DNAI7: variants seen among roughly 807,000 people sequenced by gnomAD.
The protein encoded by DNAI7 is dynein axonemal intermediate chain 7.
Under a neutral mutation model 86.6 loss-of-function variants are expected in DNAI7, and 78 were observed. The observed-to-expected ratio is 0.90, with a 90% CI of 0.75 to 1.09. The LOEUF is 1.09. DNAI7 is among the 50% of genes least tolerant of loss of function. DNAI7 has a pLI of 0.00. For missense variants in DNAI7, 753 were observed against 810.2 expected, an observed-to-expected ratio of 0.93 and a Z score of 0.86; for synonymous variants, 274 against 273.0, an observed-to-expected ratio of 1.00 and a Z score of -0.04.
At chr12:25,164,853 T>C (rs1947266281) in intron 2 of DNAI7, among the ~76,000 whole-genome samples, 1 of 151,556 alleles carries the variant, frequency 6.6e-6, no homozygotes, top group Non-Finnish European at 1.5e-5. Flanking sequence ...CAGCCTCCAC[T>C]CCTCCACCCT....
chr12:25,143,358 C>G (rs758781300), intron 9 of DNAI7, among the ~76,000 whole-genome samples: 15 of 150,520 alleles, frequency 1.0e-4, no homozygotes, highest in Non-Finnish European at 1.8e-4. Flanking sequence ...AAGCAATTAT[C>G]TTGTCTCAGC....
intron 2 of DNAI7, among the ~76,000 whole-genome samples, chr12:25,161,975 G>GA (rs1005100247): frequency 2.6e-5 from 4 of 152,064 alleles, no homozygotes; most frequent in African/African-American, 9.7e-5. Context: ...TGGTATCGGA[G>GA]AAAAAAACAT....
chr12:25,186,459 T>C (rs1950044152), intron 2 of DNAI7, among the ~76,000 whole-genome samples: 1 of 152,216 alleles, frequency 6.6e-6, no homozygotes, highest in African/African-American at 2.4e-5. Context: ...TTTGGTACCA[T>C]AATTTGATAA....
At chr12:25,181,228 A>G (rs1949475637) in intron 2 of DNAI7, among the ~76,000 whole-genome samples, 1 of 152,132 alleles carries the variant, frequency 6.6e-6, no homozygotes, top group South Asian at 2.1e-4. Context: ...CTCCCACCTC[A>G]GCCTCAGGAG....
chr12:25,186,941 C>T (rs989798648), intron 2 of DNAI7, among the ~76,000 whole-genome samples: 4 of 152,150 alleles, frequency 2.6e-5, no homozygotes, highest in African/African-American at 9.7e-5. Context: ...GACTTCTAAC[C>T]TACACTGCTG....
chr12:25,178,854 C>A (rs1949234637), intron 2 of DNAI7, among the ~76,000 whole-genome samples: 1 of 151,954 alleles, frequency 6.6e-6, no homozygotes, highest in Non-Finnish European at 1.5e-5. Flanking sequence ...TCTGTGTTTT[C>A]TATTAATGTC....
intron 2 of DNAI7, among the ~76,000 whole-genome samples, chr12:25,171,980 A>G (rs1219832672): frequency 6.6e-6 from 1 of 152,190 alleles, no homozygotes. Context: ...AATAACAGCC[A>G]TCTATGACAA....
rs749795559 is a variant in DNAI7 at position 25,161,147 on chromosome 12, T to C, written c.72A>G (p.Leu24=). 1.4e-5 allele frequency: 22 copies of C among 1,613,812 alleles called. No individual in the cohort carries two copies. Among genetic ancestry groups the C allele is most frequent in the Non-Finnish European group, 1.7e-5 (20 of 1,179,886 alleles). Residue 24 remains leucine (L), a synonymous_variant, in exon 3 of 16, where the codon CTA becomes CTG. Transcript: ENST00000395987. ...TCAGTCGTCTCTCCTCCTCCTCTTGTAGCAGCTTCAATCGTTCAGCTTTGG... is the reference window on the plus strand; with the variant it reads ...TCAGTCGTCTCTCCTCCTCCTCTTGCAGCAGCTTCAATCGTTCAGCTTTGG... ...KVTKAERLKL[L]QEEEERRLKE... is the part of the protein sequence containing the mutation.
At chr12:25,164,906 T>TAC (rs36124568) in intron 2 of DNAI7, among the ~76,000 whole-genome samples, 151,867 of 152,174 alleles carry the variant, frequency 1, 75,782 homozygotes, top group Non-Finnish European at 1. Context: ...CGGTCCGGCT[T>TAC]AGTTTCGTTC....
intron 1 of DNAI7, among the ~76,000 whole-genome samples, chr12:25,191,142 A>G (rs1199286619): frequency 6.6e-6 from 1 of 152,218 alleles, no homozygotes; most frequent in Non-Finnish European, 1.5e-5. Flanking sequence ...GTAGCCTCAC[A>G]CGGTGGCTCA....
In DNAI7 at chr12:25,142,448, T is replaced by A. The variant is rs550307790; in HGVS notation, c.1002+1917A>T. On this transcript the variant is annotated intron_variant, in intron 9 of 15. Coordinates refer to ENST00000395987, the MANE Select transcript of DNAI7 (RefSeq NM_018272.5). ...ATCTTAGAAATCACCACTAAAGAAC[T>A]TATCCATGTAACCAAATGCCACCTG... 3.3e-5 allele frequency among the ~76,000 whole-genome samples: 5 copies of A among 152,034 alleles called. No individual in the cohort carries two copies. In the South Asian group the frequency reaches 1.0e-3, roughly 32 times the overall value.
intron 8 of DNAI7, among the ~76,000 whole-genome samples, chr12:25,145,769 C>T (rs559415603): frequency 6.6e-6 from 1 of 152,262 alleles, no homozygotes; most frequent in South Asian, 2.1e-4. Context: ...CTAAAACTCA[C>T]TGCTATACTA....
At chr12:25,193,550 A>C (rs1418578478) in intron 1 of DNAI7, among the ~76,000 whole-genome samples, 2 of 152,236 alleles carry the variant, frequency 1.3e-5, no homozygotes, top group African/African-American at 4.8e-5. Context: ...CTTACTTGGC[A>C]GACTTAGGAA....
chr12:25,166,799 G>A (rs748687277), intron 2 of DNAI7, among the ~76,000 whole-genome samples: 203 of 152,196 alleles, frequency 1.3e-3, no homozygotes, highest in Non-Finnish European at 1.1e-3. Context: ...AGCGGCTGCC[G>A]CTGCTTTAAT....
intron 3 of DNAI7, among the ~76,000 whole-genome samples, chr12:25,159,594 G>C (rs1946608088): frequency 6.6e-6 from 1 of 152,152 alleles, no homozygotes; most frequent in African/African-American, 2.4e-5. Context: ...TGGCAATGAA[G>C]AGGAAGTCAA....
chr12:25,128,728 C>G (rs972392066), intron 9 of DNAI7, among the ~76,000 whole-genome samples: 4 of 152,188 alleles, frequency 2.6e-5, no homozygotes, highest in Non-Finnish European at 5.9e-5. Context: ...AAACATCTCC[C>G]AAACATATTC....
At chr12:25,119,426 G>C (rs1940832052) in intron 11 of DNAI7, 125 bp from the exon 12 acceptor site, 2 of 531,076 alleles carry the variant, frequency 3.8e-6, no homozygotes, top group Non-Finnish European at 6.4e-6. Context: ...TTTATATATA[G>C]ATTAACAAAA....
chr12:25,165,329 C>A (rs1425725012), intron 2 of DNAI7, among the ~76,000 whole-genome samples: 1 of 152,204 alleles, frequency 6.6e-6, no homozygotes, highest in Non-Finnish European at 1.5e-5. Context: ...GTGAGACAAA[C>A]CCCAGCCATA....
At chr12:25,117,707 C>T (rs1348375998) in intron 12 of DNAI7, among the ~76,000 whole-genome samples, 1 of 151,898 alleles carries the variant, frequency 6.6e-6, no homozygotes, top group Non-Finnish European at 1.5e-5. Flanking sequence ...CAATAATGTC[C>T]CATGGCTCAA....
Sources: gnomAD v4.1 joint callset for allele counts (sites outside exome capture counted in the v4.1 genomes callset) on GRCh38, gnomAD v4.1.1 for gene constraint, MANE v1.5 for transcripts, NCBI Gene and HGNC (gene_info 2026-07-23, HGNC 2026-07-21) for gene names.